Variants in MCF2L observed in about 807,000 individuals in gnomAD.
The protein encoded by MCF2L is guanine nucleotide exchange factor DBS.
Under a neutral mutation model 153.4 loss-of-function variants are expected in MCF2L, and 97 were observed. The observed-to-expected ratio is 0.63, with a 90% confidence interval of 0.54 to 0.75. The LOEUF (loss-of-function observed/expected upper bound fraction) is 0.75. Among genes scored for constraint, MCF2L ranks in the 30% least tolerant of loss-of-function variants. MCF2L has a pLI of 0.00. For missense variants in MCF2L, 1,347 were observed against 1,495.2 expected (o/e 0.90, Z 1.64); for synonymous variants, 659 against 632.2 (o/e 1.04, Z -0.64).
intron 2 of MCF2L, among the ~76,000 whole-genome samples, chr13:112,948,442 A>T (rs2081659177): frequency 6.6e-6 from 1 of 152,170 alleles, no homozygotes; most frequent in Non-Finnish European, 1.5e-5. Flanking sequence ...CTGCTTAGAG[A>T]TTTCTTCTGC....
chr13:112,965,941 C>T (rs756807152), upstream of MCF2L: 3 of 152,220 alleles, frequency 2.0e-5, no homozygotes, highest in Non-Finnish European at 4.4e-5. Context: ...GATGCCATTC[C>T]CCTCACGACA....
intron 1 of MCF2L, chr13:112,979,476 G>C: frequency 7.0e-7 from 1 of 1,428,266 alleles, no homozygotes; most frequent in East Asian, 2.6e-5. Context: ...TTTCTTGTGA[G>C]TTGGCGAAGC....
Position 113,074,597 on chromosome 13 carries a change from G to T in MCF2L, c.1116+34G>T, listed in dbSNP as rs1043176165. On this transcript the variant is annotated intron_variant, in intron 10 of 29. Coordinates refer to ENST00000535094, the MANE Select transcript of MCF2L (RefSeq NM_001112732.3). The surrounding 1 kb of genome is among the most constrained non-coding windows in gnomAD (Gnocchi z 4.2). The stretch of plus-strand genomic sequence containing the variant: ...GGGTCCCGGCGGGGGCGGCGGGAGA[G>T]TGTGGGCAGCATCATCAAGTGCTGC... 4 of 1,608,738 alleles carry T rather than the reference G, an allele frequency of 2.5e-6. No individual in the cohort carries two copies. Among genetic ancestry groups the T allele is most frequent in the Non-Finnish European group, 1.7e-6 (2 of 1,176,304 alleles).
rs181221109 is a variant in MCF2L at position 112,914,742 on chromosome 13, T to C, written c.169+12371T>C. ...TGCTTCTCATTTATGTTTTTATCTT[T>C]GTTTGCCCATATTTTAGCTGGGTTG... On this transcript the variant is annotated intron_variant, in intron 2 of 29. Coordinates refer to the MCF2L transcript ENST00000375608. 3.6e-3 allele frequency among the ~76,000 whole-genome samples: 533 copies of C among 147,826 alleles called. 2 individuals are homozygous for C. The highest frequency in any genetic ancestry group is 0.013 in the African/African-American group (501 of 37,330).
At chr13:112,965,237 G>A (rs1371987356), upstream of MCF2L, 1 of 152,392 alleles carries the variant, frequency 6.6e-6, no homozygotes, top group African/African-American at 2.4e-5. Context: ...GCTTGCTGCT[G>A]GGACACAGGG....
At chr13:112,914,905 G>A (rs2081274990) in intron 2 of MCF2L, among the ~76,000 whole-genome samples, 1 of 151,628 alleles carries the variant, frequency 6.6e-6, no homozygotes, top group Admixed American at 6.6e-5. Flanking sequence ...AAAATATGTA[G>A]TTGAATCTCA....
At chr13:113,078,606 G>T in intron 14 of MCF2L, 60 bp from the exon 15 acceptor site, 1 of 1,510,938 alleles carries the variant, frequency 6.6e-7, no homozygotes. Flanking sequence ...CTCTGGCCTT[G>T]AGAGTTGGCC....
chr13:112,936,335 C>T (rs2081515120), intron 2 of MCF2L, among the ~76,000 whole-genome samples: 2 of 148,776 alleles, frequency 1.3e-5, no homozygotes, highest in Non-Finnish European at 3.0e-5. Context: ...TGACCTTGGA[C>T]TTCCAGCCTC....
At chr13:113,080,337 G>A (rs1308459873) in intron 15 of MCF2L, among the ~76,000 whole-genome samples, 1 of 152,190 alleles carries the variant, frequency 6.6e-6, no homozygotes, top group East Asian at 1.9e-4. Context: ...GCAGGGAGGA[G>A]CAGCAAGTGC....
Position 113,085,014 on chromosome 13 carries a change from T to C in MCF2L, c.2154+30T>C, listed in dbSNP as rs2034498444. On this transcript the variant is annotated intron_variant, in intron 19 of 29. Coordinates refer to ENST00000535094, the MANE Select transcript of MCF2L (RefSeq NM_001112732.3). ...GTCCCCGGACCTTCCTTTAGAACGT[T>C]ACTCCCTTTCCTAGCCGACTCCTGA... 3 of 1,612,254 alleles carry C rather than the reference T, an allele frequency of 1.9e-6. No individual in the cohort carries two copies. The African/African-American group carries it at 4.0e-5, about 22-fold the overall frequency.
At chr13:112,978,920 G>C (rs548064728) in intron 1 of MCF2L, among the ~76,000 whole-genome samples, 13 of 152,364 alleles carry the variant, frequency 8.5e-5, no homozygotes, top group African/African-American at 2.4e-4. Flanking sequence ...CAGGGACTCT[G>C]AGAGCCTGAG....
intron 11 of MCF2L, among the ~76,000 whole-genome samples, chr13:113,075,720 G>T (rs1422633655): frequency 6.6e-6 from 1 of 152,154 alleles, no homozygotes; most frequent in African/African-American, 2.4e-5. Context: ...CCCGCCCTGG[G>T]TAATTCACTG....
At chr13:112,909,926 C>G (rs2081213717) in intron 2 of MCF2L, 1 of 152,338 alleles carries the variant, frequency 6.6e-6, no homozygotes, top group African/African-American at 2.4e-5. Context: ...CAGGCATGAG[C>G]CACTGTGCCT....
Position 113,087,284 on chromosome 13 carries a change from T to C in MCF2L, c.2423T>C (p.Val808Ala). The C allele has an allele frequency of 6.2e-7, 1 of 1,612,986 alleles. No homozygotes were observed. Among genetic ancestry groups the C allele is most frequent in the Non-Finnish European group, 8.5e-7 (1 of 1,180,020 alleles). Residue 808 changes from valine (V) to alanine (A), a missense_variant, in exon 22 of 30, where the codon GTC becomes GCC. By Grantham distance (64) the Val-to-Ala change is moderately conservative. Around this residue, in one of 3 missense-constraint regions of MCF2L, gnomAD observed 144 missense variants for 238.7 expected, o/e 0.60. Coordinates refer to ENST00000535094, the MANE Select transcript of MCF2L (RefSeq NM_001112732.3). The part of the protein sequence containing the change: ...GKLLMQGSFS[V>A]WTDHKRGHTK... ...CTGCTGATGCAGGGCTCGTTCAGCG[T>C]CTGGACCGACCACAAGAGGGGCCAC...
At chr13:112,926,605 A>G (rs954717964) in intron 2 of MCF2L, among the ~76,000 whole-genome samples, 6 of 152,176 alleles carry the variant, frequency 3.9e-5, no homozygotes, top group African/African-American at 1.4e-4. Context: ...TCATCTATAT[A>G]CACACAGTGG....
At chr13:113,055,260 G>C (rs1316486573) in intron 4 of MCF2L, among the ~76,000 whole-genome samples, 2 of 151,972 alleles carry the variant, frequency 1.3e-5, no homozygotes, top group African/African-American at 2.4e-5. Flanking sequence ...CCAAGGAAGA[G>C]GGGGTCATGT....
chr13:112,913,088 G>C (rs375881877), intron 2 of MCF2L, among the ~76,000 whole-genome samples: 6 of 151,080 alleles, frequency 4.0e-5, no homozygotes, highest in East Asian at 1.9e-4. Flanking sequence ...GATTGTGTGT[G>C]TGTGGTCTAT....
chr13:113,021,339 C>T lies in MCF2L; in HGVS notation c.164-3305C>T, dbSNP rs117805277. ...GTGTATCTCACACTAAAGCAGATCC[C>T]GTAGGAACCACACTTCTTTCTGGTG... On this transcript the variant is annotated intron_variant, in intron 2 of 29. Coordinates refer to ENST00000535094, the MANE Select transcript of MCF2L (RefSeq NM_001112732.3). 1.3e-3 allele frequency among the ~76,000 whole-genome samples: 193 copies of T among 152,062 alleles called. 3 individuals carry two copies. In the East Asian group the frequency reaches 0.034, roughly 27 times the overall value.
intron 2 of MCF2L, among the ~76,000 whole-genome samples, chr13:112,908,754 G>A (rs1264473321): frequency 7.8e-6 from 1 of 127,872 alleles, no homozygotes; most frequent in African/African-American, 3.0e-5. Context: ...TTTTTTTTGA[G>A]ACAGAGTCTC....
Sources: allele counts gnomAD v4.1 joint callset (sites outside exome capture counted in the v4.1 genomes callset), GRCh38; gene constraint gnomAD v4.1.1; regional missense constraint gnomAD v4.1.1; non-coding constraint Gnocchi (gnomAD v3.1); transcripts MANE v1.5; gene names NCBI Gene and HGNC (gene_info 2026-07-23, HGNC 2026-07-21).